VWA5A: variants seen among roughly 807,000 people sequenced by gnomAD.
VWA5A encodes the protein von Willebrand factor A domain containing 5A, also known as von Willebrand factor A domain-containing protein 5A.
Under a neutral mutation model 84.6 loss-of-function variants are expected in VWA5A, and 77 were observed. The observed-to-expected ratio is 0.91, with a 90% CI of 0.76 to 1.10. VWA5A has a LOEUF of 1.10. Ranked by LOEUF, VWA5A falls within the 50% of genes least tolerant of loss-of-function variation. The probability of loss-of-function intolerance (pLI) is 0.00; values close to 1 mark genes in which losing one functional copy is unlikely to be tolerated. For missense variants in VWA5A, 973 were observed against 963.0 expected (o/e 1.01, Z -0.14); for synonymous variants, 334 against 350.1 (o/e 0.95, Z 0.51).
chr11:124,131,490 T>C (rs1484175252), intron 11 of VWA5A, among the ~76,000 whole-genome samples: 2 of 152,108 alleles, frequency 1.3e-5, no homozygotes, highest in Non-Finnish European at 2.9e-5. Flanking sequence ...ACAAAATCTC[T>C]CTGTAATATT....
At chr11:124,145,751 A>G in intron 18 of VWA5A, 115 bp from the exon 19 acceptor site, 1 of 1,076,236 alleles carries the variant, frequency 9.3e-7, no homozygotes, top group South Asian at 1.7e-5. Context: ...AGAAAAGAAA[A>G]AGCAGGGATA....
chr11:124,130,416 A>C lies in VWA5A; in HGVS notation c.1245-4504A>C, dbSNP rs188753717. ...CTTCCAATTATGTGGTCAATTTTAG[A>C]GTAAGTGTGATGTGGTGCTGAGAAG... On this transcript the variant is annotated intron_variant, in intron 11 of 18. Coordinates refer to ENST00000456829, the MANE Select transcript of VWA5A (RefSeq NM_001130142.2). 1.4e-4 allele frequency among the ~76,000 whole-genome samples: 21 copies of C among 152,232 alleles called. 1 individual carries two copies. In the East Asian group the frequency reaches 4.1e-3, roughly 29 times the overall value.
chr11:124,129,684 G>A (rs375555111), intron 11 of VWA5A, among the ~76,000 whole-genome samples: 7 of 151,886 alleles, frequency 4.6e-5, no homozygotes, highest in Non-Finnish European at 8.8e-5. Flanking sequence ...TCAGGGATTC[G>A]ACTTCTTCCT....
At chr11:124,126,680 AC>A (rs1865022781) in intron 11 of VWA5A, among the ~76,000 whole-genome samples, 1 of 151,636 alleles carries the variant, frequency 6.6e-6, no homozygotes, top group Non-Finnish European at 1.5e-5. Context: ...AATTGCTTGA[AC>A]CCAGGAGGCA....
chr11:124,115,791 CAATT>C (rs1053079506), intron 1 of VWA5A: 8 of 152,072 alleles, frequency 5.3e-5, no homozygotes, highest in African/African-American at 9.7e-5. Flanking sequence ...TTGATATAGA[CAATT>C]GATGTTTTCT....
At chr11:124,140,574 C>T (rs1273368145) in intron 15 of VWA5A, among the ~76,000 whole-genome samples, 2 of 151,964 alleles carry the variant, frequency 1.3e-5, no homozygotes, top group African/African-American at 4.8e-5. Context: ...AGTGATTCTC[C>T]CACCTCAGCC....
At chr11:124,125,965 T>C (rs1865013085) in intron 11 of VWA5A, among the ~76,000 whole-genome samples, 1 of 152,252 alleles carries the variant, frequency 6.6e-6, no homozygotes, top group Admixed American at 6.5e-5. Context: ...GATATCAAAT[T>C]GACCCTATTC....
At chr11:124,120,495 A>G (rs1278765430) in intron 7 of VWA5A, among the ~76,000 whole-genome samples, 1 of 152,204 alleles carries the variant, frequency 6.6e-6, no homozygotes, top group East Asian at 1.9e-4. Context: ...TTGTTTTTCT[A>G]CAGAGTACCC....
chr11:124,130,175 T>C (rs1865076570), intron 11 of VWA5A, among the ~76,000 whole-genome samples: 1 of 152,240 alleles, frequency 6.6e-6, no homozygotes, highest in South Asian at 2.1e-4. Context: ...TTTGGTGCAT[T>C]GTGTCTTTGT....
chr11:124,144,381 A>T (rs893647839), intron 17 of VWA5A, among the ~76,000 whole-genome samples: 1 of 152,182 alleles, frequency 6.6e-6, no homozygotes, highest in African/African-American at 2.4e-5. Flanking sequence ...GTGATTGTAG[A>T]ATTCTATAAG....
intron 11 of VWA5A, among the ~76,000 whole-genome samples, chr11:124,127,100 A>T (rs1865029258): frequency 6.6e-6 from 1 of 152,172 alleles, no homozygotes; most frequent in South Asian, 2.1e-4. Context: ...TACATGTGCC[A>T]TGGTGGTTTG....
intron 15 of VWA5A, among the ~76,000 whole-genome samples, chr11:124,138,679 A>G (rs904593198): frequency 6.6e-5 from 10 of 152,180 alleles, no homozygotes; most frequent in African/African-American, 1.2e-4. Context: ...TGTACTTTGT[A>G]TATATTAAAC....
At position 124,124,239 on chromosome 11, in the gene VWA5A, T is replaced by G; in HGVS notation, c.1167T>G (p.Leu389=). The stretch of plus-strand genomic sequence containing the variant: ...GAACATTTTCTTTCTTTGTATAGCT[T>G]TTTGTCTTTACAGATGGAGAAGTTA... ...GPSIPGHPLQ[L]FVFTDGEVTD... Residue 389 remains leucine, a splice_region_variant and synonymous_variant, in exon 11 of 19, where the codon CTT becomes CTG. Coordinates refer to ENST00000456829, the MANE Select transcript of VWA5A (RefSeq NM_001130142.2). The G allele has an allele frequency of 3.1e-6, 5 of 1,613,308 alleles. No homozygotes were observed. The highest frequency in any genetic ancestry group is 4.2e-6 in the Non-Finnish European group (5 of 1,179,570).
At chr11:124,131,017 A>G (rs1156557507) in intron 11 of VWA5A, among the ~76,000 whole-genome samples, 1 of 151,938 alleles carries the variant, frequency 6.6e-6, no homozygotes, top group Non-Finnish European at 1.5e-5. Context: ...AGTGAGATAA[A>G]CCTAGCTTCC....
At chr11:124,115,611 G>A (rs1864815012) in intron 1 of VWA5A, 129 bp downstream of exon 1, 3 of 152,190 alleles carry the variant, frequency 2.0e-5, no homozygotes. Flanking sequence ...CACGCCCCAT[G>A]GGTGGAGGAT....
Position 124,134,914 on chromosome 11 carries a change from T to G in VWA5A, c.1245-6T>G. On this transcript the variant is annotated splice_polypyrimidine_tract_variant and splice_region_variant and intron_variant, in intron 11 of 18. Transcript: ENST00000456829. ...TCCTCTAACCTCTGTCCTGTTACAA[T>G]TGCAGGTGTTTCTCATTTGGTATTG... 1.2e-6 allele frequency: 2 copies of G among 1,609,406 alleles called. No individual in the cohort carries two copies. Among genetic ancestry groups the G allele is most frequent in the Non-Finnish European group, 1.7e-6 (2 of 1,176,520 alleles).
At chr11:124,140,921 A>C (rs1001783657) in intron 15 of VWA5A, among the ~76,000 whole-genome samples, 1 of 152,208 alleles carries the variant, frequency 6.6e-6, no homozygotes, top group Non-Finnish European at 1.5e-5. Context: ...ACAATTCTGC[A>C]TAATAACAAG....
chr11:124,134,378 T>A (rs1865142409), intron 11 of VWA5A, among the ~76,000 whole-genome samples: 1 of 152,228 alleles, frequency 6.6e-6, no homozygotes, highest in Non-Finnish European at 1.5e-5. Context: ...TGTTTATATA[T>A]AATTCTATTT....
rs779202415 is a variant in VWA5A at position 124,136,284 on chromosome 11, G to A, written c.1515G>A (p.Gly505=). The change falls in exon 13 of 19, where the codon GGG becomes GGA. Residue 505 remains glycine (G), a synonymous_variant. Coordinates refer to ENST00000456829, the MANE Select transcript of VWA5A (RefSeq NM_001130142.2). ...TAATCAGCTATGCCCAGCTGACCGGGAGGATGCCAGTGAGTTCCCATTCTT... is the reference window on the plus strand; with the variant it reads ...TAATCAGCTATGCCCAGCTGACCGGAAGGATGCCAGTGAGTTCCCATTCTT... ...QRLISYAQLT[G]RMPAAETTGE... 1 of 1,612,902 alleles carries A rather than the reference G, an allele frequency of 6.2e-7. No individual in the cohort carries two copies. The highest frequency in any genetic ancestry group is 8.5e-7 in the Non-Finnish European group (1 of 1,179,026).
Sources: allele counts gnomAD v4.1 joint callset (sites outside exome capture counted in the v4.1 genomes callset), GRCh38; gene constraint gnomAD v4.1.1; transcripts MANE v1.5; gene names NCBI Gene and HGNC (gene_info 2026-07-23, HGNC 2026-07-21).